Variants in SLC4A10 observed in about 807,000 individuals in gnomAD.
The protein encoded by SLC4A10 is sodium-driven chloride bicarbonate exchanger.
In SLC4A10, 42 loss-of-function variants were observed where a neutral mutation model predicts 137.7. That is an observed-to-expected ratio of 0.30 (90% confidence interval 0.24 to 0.39). The LOEUF is 0.39. Ranked by LOEUF, SLC4A10 falls within the 10% of genes least tolerant of loss-of-function variation. The pLI, the probability that SLC4A10 is intolerant of heterozygous loss-of-function variation, is 1.00. For synonymous variants in SLC4A10, 474 were observed against 464.1 expected, an observed-to-expected ratio of 1.02 and a Z score of -0.27; for missense variants, 925 against 1,355.0, an observed-to-expected ratio of 0.68 and a Z score of 4.98.
At chr2:161,897,089 C>A (rs1312210773) in intron 11 of SLC4A10, among the ~76,000 whole-genome samples, 7 of 151,876 alleles carry the variant, frequency 4.6e-5, no homozygotes, top group Admixed American at 4.6e-4. Context: ...AATTATAATT[C>A]TTATATTTGT....
At chr2:161,956,924 A>G (rs1695773232) in intron 19 of SLC4A10, 65 bp from the exon 20 acceptor site, 3 of 1,476,360 alleles carry the variant, frequency 2.0e-6, no homozygotes, top group African/African-American at 1.4e-5. Context: ...TCTATTCGCA[A>G]TCAGGCCACC....
intron 21 of SLC4A10, among the ~76,000 whole-genome samples, chr2:161,962,185 G>A (rs1696839778): frequency 6.6e-6 from 1 of 152,094 alleles, no homozygotes; most frequent in Non-Finnish European, 1.5e-5. Flanking sequence ...TATTATCTGG[G>A]CTTCTCACTG....
intron 15 of SLC4A10, among the ~76,000 whole-genome samples, chr2:161,919,944 G>A (rs773763335): frequency 3.9e-5 from 6 of 152,160 alleles, no homozygotes; most frequent in Admixed American, 6.5e-5. Flanking sequence ...GTGCCACCAC[G>A]TTCCCCAGAG....
rs111467812 is a variant in SLC4A10 at position 161,765,458 on chromosome 2, T to G, written c.49-5515T>G. ...CCCGTTTCTACTAAAAATGGAAAAA[T>G]TAGCCGGGCATGGTGGTGCATGCCT... On this transcript the variant is annotated intron_variant, in intron 1 of 26. Coordinates refer to ENST00000446997, the MANE Select transcript of SLC4A10 (RefSeq NM_001178015.2). Among the ~76,000 whole-genome samples, 384 of 151,930 alleles carry G rather than the reference T, an allele frequency of 2.5e-3. 3 individuals carry two copies. Among genetic ancestry groups the G allele is most frequent in the African/African-American group, 8.8e-3 (366 of 41,466 alleles).
intron 10 of SLC4A10, among the ~76,000 whole-genome samples, chr2:161,891,108 T>C (rs376081895): frequency 8.5e-5 from 13 of 152,320 alleles, no homozygotes; most frequent in African/African-American, 2.9e-4. Context: ...TCTTTAAGAA[T>C]GTTGAATATT....
At chr2:161,904,363 C>G (rs917312669) in intron 13 of SLC4A10, among the ~76,000 whole-genome samples, 185 bp downstream of exon 13, 4 of 152,102 alleles carry the variant, frequency 2.6e-5, no homozygotes, top group Non-Finnish European at 4.4e-5. Context: ...TGGAATGTCT[C>G]AGAATAACTA....
At chr2:161,691,985 C>G (rs1014439029) in intron 1 of SLC4A10, among the ~76,000 whole-genome samples, 73 of 152,034 alleles carry the variant, frequency 4.8e-4, no homozygotes, top group African/African-American at 1.6e-3. Context: ...GTAGTGTAGG[C>G]TACATGTCAA....
chr2:161,980,641 T>C (rs1057296612), intron 26 of SLC4A10, among the ~76,000 whole-genome samples: 1 of 152,078 alleles, frequency 6.6e-6, no homozygotes, highest in Admixed American at 6.6e-5. Flanking sequence ...AGAGCAACAC[T>C]CTGTCTCAAA....
chr2:161,911,247 A>C (rs1685775277), intron 15 of SLC4A10, among the ~76,000 whole-genome samples: 1 of 152,054 alleles, frequency 6.6e-6, no homozygotes, highest in African/African-American at 2.4e-5. Flanking sequence ...TTTAGCTAGA[A>C]GTTTGGGATA....
chr2:161,966,860 A>G (rs973347235), intron 23 of SLC4A10, among the ~76,000 whole-genome samples: 1 of 152,184 alleles, frequency 6.6e-6, no homozygotes, highest in African/African-American at 2.4e-5. Flanking sequence ...ATAATTTGGC[A>G]CAAGTTAAAT....
intron 11 of SLC4A10, 42 bp from the exon 12 acceptor site, chr2:161,900,869 A>G: frequency 1.4e-6 from 2 of 1,384,688 alleles, no homozygotes; most frequent in Non-Finnish European, 2.0e-6. Context: ...AACACCTGAA[A>G]TTAAAACAAA....
chr2:161,819,959 G>A (rs1424903938), intron 3 of SLC4A10, among the ~76,000 whole-genome samples: 2 of 152,116 alleles, frequency 1.3e-5, no homozygotes, highest in Non-Finnish European at 2.9e-5. Context: ...ACACTTCAAC[G>A]TTTATTTTTT....
At chr2:161,867,472 G>A (rs918517807) in intron 6 of SLC4A10, among the ~76,000 whole-genome samples, 5 of 151,886 alleles carry the variant, frequency 3.3e-5, no homozygotes, top group Non-Finnish European at 7.4e-5. Context: ...ATTAAACATT[G>A]TTTAATAAAT....
At chr2:161,856,675 A>G (rs1328985260) in intron 5 of SLC4A10, among the ~76,000 whole-genome samples, 1 of 152,270 alleles carries the variant, frequency 6.6e-6, no homozygotes, top group Non-Finnish European at 1.5e-5. Flanking sequence ...TGGTCTTGCT[A>G]ATACCCAATA....
chr2:161,932,276 C>G (rs973457061), intron 15 of SLC4A10, among the ~76,000 whole-genome samples: 1 of 152,094 alleles, frequency 6.6e-6, no homozygotes, highest in African/African-American at 2.4e-5. Flanking sequence ...GCTTGTTCAC[C>G]TAATTCTTTT....
chr2:161,838,463 A>G (rs2058960132), intron 3 of SLC4A10, among the ~76,000 whole-genome samples: 1 of 152,180 alleles, frequency 6.6e-6, no homozygotes, highest in Non-Finnish European at 1.5e-5. Flanking sequence ...TATAACACAC[A>G]CACACAAATC....
intron 17 of SLC4A10, among the ~76,000 whole-genome samples, chr2:161,948,455 T>C (rs554234178): frequency 6.6e-6 from 1 of 152,240 alleles, no homozygotes; most frequent in South Asian, 2.1e-4. Flanking sequence ...GTCTGATTAA[T>C]ACAAAAACAT....
At chr2:161,944,553 G>A (rs921789653) in intron 16 of SLC4A10, among the ~76,000 whole-genome samples, 1 of 151,592 alleles carries the variant, frequency 6.6e-6, no homozygotes, top group East Asian at 1.9e-4. Flanking sequence ...AAAATATTTT[G>A]CAATTAAAGC....
chr2:161,982,678 A>G (rs1307998978), intron 26 of SLC4A10, among the ~76,000 whole-genome samples: 1 of 152,162 alleles, frequency 6.6e-6, no homozygotes, highest in Non-Finnish European at 1.5e-5. Context: ...CCTCCAGGCC[A>G]GTGGAGCTGT....
Sources: allele counts gnomAD v4.1 joint callset (sites outside exome capture counted in the v4.1 genomes callset), GRCh38; gene constraint gnomAD v4.1.1; transcripts MANE v1.5; gene names NCBI Gene and HGNC (gene_info 2026-07-23, HGNC 2026-07-21).